Variants in AHR observed in about 807,000 individuals in gnomAD.
AHR encodes aryl hydrocarbon receptor.
Under a neutral mutation model 86.8 loss-of-function variants are expected in AHR, and 40 were observed. The observed-to-expected ratio is 0.46, with a 90% CI of 0.36 to 0.60. AHR has a LOEUF of 0.60. Ranked by LOEUF, AHR falls within the 20% of genes least tolerant of loss-of-function variation. The pLI, the probability that AHR is intolerant of heterozygous loss-of-function variation, is 0.00. For synonymous variants in AHR, 398 were observed against 354.9 expected (o/e 1.12, Z -1.37); for missense variants, 1,001 against 1,011.6 (o/e 0.99, Z 0.14).
At chr7:17,300,863 A>T (rs1781948369) in intron 1 of AHR, among the ~76,000 whole-genome samples, 1 of 152,108 alleles carries the variant, frequency 6.6e-6, no homozygotes, top group African/African-American at 2.4e-5. Context: ...GTGAGAAAAC[A>T]TGAAGATCTC....
intron 5 of AHR, 77 bp downstream of exon 5, chr7:17,330,152 G>A (rs1406615550): frequency 7.1e-7 from 1 of 1,405,366 alleles, no homozygotes; most frequent in Non-Finnish European, 9.8e-7. Context: ...GGAACCTGTA[G>A]GGTCATAGAA....
intron 9 of AHR, chr7:17,336,081 C>T: frequency 4.2e-6 from 1 of 239,104 alleles, no homozygotes. Flanking sequence ...AAAAATATAA[C>T]AATGCTTTAT....
At chr7:17,308,048 C>G (rs1257332075) in intron 1 of AHR, among the ~76,000 whole-genome samples, 2 of 152,086 alleles carry the variant, frequency 1.3e-5, no homozygotes, top group Non-Finnish European at 2.9e-5. Context: ...CACTCACCGC[C>G]CTAAAAGTTA....
chr7:17,340,920 A>C (rs1037813517), intron 10 of AHR, among the ~76,000 whole-genome samples: 2 of 152,186 alleles, frequency 1.3e-5, no homozygotes, highest in South Asian at 4.2e-4. Context: ...TGTTGTTTAA[A>C]TGTGTCATCA....
chr7:17,339,278 T>C lies in AHR; in HGVS notation c.1453T>C (p.Phe485Leu). Reference protein sequence around the residue: ...TSSTAPFENNFFNESMNECRN... With the variant: ...TSSTAPFENNLFNESMNECRN... ...AAGTACTGCACCTTTTGAAAACAACTTTTTCAACGAATCTATGAATGAATG... is the reference window on the plus strand; with the variant it reads ...AAGTACTGCACCTTTTGAAAACAACCTTTTCAACGAATCTATGAATGAATG... Residue 485 changes from phenylalanine (F) to leucine (L), a missense_variant, in exon 10 of 11, where the codon TTT (phenylalanine) becomes CTT (leucine). Phe to Leu is a conservative substitution (Grantham distance 22). Coordinates refer to ENST00000242057, the MANE Select transcript of AHR (RefSeq NM_001621.5). 1 of 1,614,148 alleles carries C rather than the reference T, an allele frequency of 6.2e-7. No individual in the cohort carries two copies. Among genetic ancestry groups the C allele is most frequent in the Non-Finnish European group, 8.5e-7 (1 of 1,180,016 alleles).
At chr7:17,319,313 A>C (rs1426495977) in intron 2 of AHR, among the ~76,000 whole-genome samples, 1 of 152,046 alleles carries the variant, frequency 6.6e-6, no homozygotes, top group Non-Finnish European at 1.5e-5. Context: ...AATTTGTCTC[A>C]AGAGGTAGCA....
intron 1 of AHR, among the ~76,000 whole-genome samples, chr7:17,302,336 CT>C (rs1286771742): frequency 6.6e-6 from 1 of 151,876 alleles, no homozygotes; most frequent in Non-Finnish European, 1.5e-5. Context: ...AAAACTTTTA[CT>C]TTTATTAACA....
chr7:17,342,831 G>A (rs890969820), intron 10 of AHR, 90 bp from the exon 11 acceptor site: 3 of 1,316,246 alleles, frequency 2.3e-6, no homozygotes, highest in Non-Finnish European at 2.1e-6. Context: ...TCAGGGGTAA[G>A]ATTTTAAAAA....
At chr7:17,325,530 T>G (rs993197243) in intron 3 of AHR, among the ~76,000 whole-genome samples, 2 of 152,240 alleles carry the variant, frequency 1.3e-5, no homozygotes, top group Admixed American at 1.3e-4. Context: ...GTGTTAGTCA[T>G]TAACTATTCA....
intron 2 of AHR, among the ~76,000 whole-genome samples, chr7:17,321,528 T>C (rs1199338840): frequency 2.0e-5 from 3 of 151,678 alleles, no homozygotes; most frequent in Admixed American, 6.6e-5. Context: ...GTTTAAGTGG[T>C]AGCTGTTATT....
At chr7:17,325,139 ATTCC>A (rs1302513340) in intron 3 of AHR, among the ~76,000 whole-genome samples, 1 of 152,326 alleles carries the variant, frequency 6.6e-6, no homozygotes, top group South Asian at 2.1e-4. Flanking sequence ...TAGCATATTA[ATTCC>A]TTCTGTTAAT....
rs116264983 is a variant in AHR at position 17,316,811 on chromosome 7, T to C, written c.254-5690T>C. On this transcript the variant is annotated intron_variant, in intron 2 of 10. Transcript: ENST00000242057. ...GTTATGGAGACATTTCATCTCTTTA[T>C]CTCAGCATGGTAGAGGGAGGTTGTG... Among the ~76,000 whole-genome samples, 960 of 152,272 alleles carry C rather than the reference T, an allele frequency of 6.3e-3. 12 individuals are homozygous for C. The highest frequency in any genetic ancestry group is 0.022 in the African/African-American group (913 of 41,560).
intron 1 of AHR, among the ~76,000 whole-genome samples, chr7:17,305,624 G>A (rs899917865): frequency 4.6e-5 from 7 of 152,078 alleles, no homozygotes; most frequent in East Asian, 1.9e-4. Flanking sequence ...AAATCACCCC[G>A]AGGAAAAATC....
chr7:17,338,991 A>G lies in AHR; in HGVS notation c.1166A>G (p.Glu389Gly). Residue 389 changes from glutamate to glycine, a missense_variant, in exon 10 of 11, where the codon GAG becomes GGG. Coordinates refer to ENST00000242057, the MANE Select transcript of AHR (RefSeq NM_001621.5). ...TTTTTTGTACACAATTTTAGAGATG[A>G]GGAAGGAACAGAGCATTTACGAAAA... ...IIVTQRPLTDEEGTEHLRKRN... is the reference protein window; with the variant it reads ...IIVTQRPLTDGEGTEHLRKRN... 1 of 1,592,624 alleles carries G rather than the reference A, an allele frequency of 6.3e-7. No individual in the cohort carries two copies. The highest frequency in any genetic ancestry group is 1.3e-5 in the African/African-American group (1 of 74,280).
intron 2 of AHR, among the ~76,000 whole-genome samples, chr7:17,312,128 G>A (rs977183794): frequency 1.3e-5 from 2 of 152,170 alleles, no homozygotes; most frequent in South Asian, 2.1e-4. Flanking sequence ...TCCTCCCAGC[G>A]TCACGGAATG....
chr7:17,335,843 G>C (rs1782349587), intron 9 of AHR, 57 bp downstream of exon 9: 1 of 1,522,194 alleles, frequency 6.6e-7, no homozygotes, highest in Admixed American at 2.0e-5. Context: ...GTCCTCTTAT[G>C]TGAAAGCATA....
intron 2 of AHR, among the ~76,000 whole-genome samples, chr7:17,320,084 C>A (rs1238284653): frequency 1.3e-5 from 2 of 152,062 alleles, no homozygotes; most frequent in Non-Finnish European, 1.5e-5. Flanking sequence ...TATCTATCAT[C>A]CTTCCAACAT....
At chr7:17,322,416 CTTTG>C in intron 2 of AHR, 81 bp from the exon 3 acceptor site, 1 of 824,792 alleles carries the variant, frequency 1.2e-6, no homozygotes, top group Non-Finnish European at 2.0e-6. Context: ...TTCAAATTGT[CTTTG>C]TTTGGTGTTC....
At chr7:17,312,028 T>G (rs550125818) in intron 2 of AHR, among the ~76,000 whole-genome samples, 1 of 152,310 alleles carries the variant, frequency 6.6e-6, no homozygotes, top group East Asian at 1.9e-4. Context: ...ACCCTAGACC[T>G]GTGGAATCTA....
Sources: allele counts gnomAD v4.1 joint callset (sites outside exome capture counted in the v4.1 genomes callset), GRCh38; gene constraint gnomAD v4.1.1; transcripts MANE v1.5; gene names NCBI Gene and HGNC (gene_info 2026-07-23, HGNC 2026-07-21).